Variants in DNAI7 observed in about 807,000 individuals in gnomAD.
DNAI7 encodes the protein cancer susceptibility 1.
Under a neutral mutation model 86.6 loss-of-function variants are expected in DNAI7, and 78 were observed. The observed-to-expected ratio is 0.90, with a 90% CI of 0.75 to 1.09. The LOEUF (loss-of-function observed/expected upper bound fraction) is 1.09. DNAI7 is among the 50% of genes least tolerant of loss of function. DNAI7 has a pLI of 0.00. For synonymous variants in DNAI7, 274 were observed against 273.0 expected (o/e 1.00, Z -0.04); for missense variants, 753 against 810.2 (o/e 0.93, Z 0.86).
intron 2 of DNAI7, among the ~76,000 whole-genome samples, chr12:25,172,023 C>T (rs1000335028): frequency 4.6e-5 from 7 of 152,124 alleles, no homozygotes; most frequent in Middle Eastern, 6.8e-3. Context: ...AATAAAGAAA[C>T]GTTGAAAGCA....
intron 9 of DNAI7, among the ~76,000 whole-genome samples, chr12:25,131,932 A>G (rs1267327514): frequency 6.6e-6 from 1 of 152,178 alleles, no homozygotes. Flanking sequence ...GGCAACAATT[A>G]TAATAATTAA....
intron 3 of DNAI7, among the ~76,000 whole-genome samples, chr12:25,160,301 T>C (rs1946692907): frequency 6.6e-6 from 1 of 152,262 alleles, no homozygotes; most frequent in African/African-American, 2.4e-5. Context: ...TTGTTGAATA[T>C]GAATTCTAAA....
chr12:25,194,903 G>T, intron 1 of DNAI7, 173 bp downstream of exon 1: 1 of 1,614,138 alleles, frequency 6.2e-7, no homozygotes, highest in South Asian at 1.1e-5. Context: ...CCTGGTCCAG[G>T]TAAGGAAAGC....
At chr12:25,151,634 C>T (rs1335708127) in intron 6 of DNAI7, among the ~76,000 whole-genome samples, 1 of 152,142 alleles carries the variant, frequency 6.6e-6, no homozygotes, top group Non-Finnish European at 1.5e-5. Flanking sequence ...CCTAAGCTGA[C>T]GTCATGCCAT....
intron 9 of DNAI7, among the ~76,000 whole-genome samples, chr12:25,135,553 G>C (rs1235234841): frequency 6.6e-6 from 1 of 152,142 alleles, no homozygotes; most frequent in Non-Finnish European, 1.5e-5. Flanking sequence ...CAGCGGGGAG[G>C]GCAGGGCAGC....
At chr12:25,124,055 T>TGTGTGTGTGTGTGTGTGTGC in intron 9 of DNAI7, among the ~76,000 whole-genome samples, 1 of 151,968 alleles carries the variant, frequency 6.6e-6, no homozygotes, top group East Asian at 1.9e-4. Flanking sequence ...TGTGTGTGTG[T>TGTGTGTGTGTGTGTGTGTGC]GTGTGTGCTA....
chr12:25,138,262 G>A (rs1943780941), intron 9 of DNAI7, among the ~76,000 whole-genome samples: 1 of 152,100 alleles, frequency 6.6e-6, no homozygotes, highest in Non-Finnish European at 1.5e-5. Context: ...TCAGGAGGTG[G>A]AGACCAGCCG....
chr12:25,148,645 T>C (rs1482813145), intron 7 of DNAI7, among the ~76,000 whole-genome samples: 1 of 152,236 alleles, frequency 6.6e-6, no homozygotes, highest in Non-Finnish European at 1.5e-5. Flanking sequence ...TCACTCCACC[T>C]TCCCCCTTTG....
At chr12:25,174,141 T>C (rs1043698499) in intron 2 of DNAI7, among the ~76,000 whole-genome samples, 11 of 148,414 alleles carry the variant, frequency 7.4e-5, no homozygotes, top group African/African-American at 2.5e-4. Context: ...TTTGTTTTTT[T>C]CTTACTGATG....
At position 25,155,202 on chromosome 12, in the gene DNAI7, G is replaced by C. The variant is rs544179741; in HGVS notation, c.300+109C>G. ...AAGCAATCAATTTGTCAGATGAGAG[G>C]GTTTTTTAAAACAGAAAAATTTAGT... On this transcript the variant is annotated intron_variant, in intron 5 of 15. Transcript: ENST00000395987. The C allele has an allele frequency of 2.9e-5, 16 of 544,940 alleles. No individual in the cohort carries two copies. The Admixed American group carries it at 4.7e-4, about 16-fold the overall frequency. 33.8% of individuals were successfully genotyped at this position (544,940 alleles called of 1,614,324 possible).
intron 2 of DNAI7, among the ~76,000 whole-genome samples, chr12:25,180,808 A>G (rs1019364932): frequency 1.3e-5 from 2 of 152,140 alleles, no homozygotes; most frequent in African/African-American, 4.8e-5. Flanking sequence ...AGACTTAAAT[A>G]TAAGACCTCA....
rs1043415713 is a variant in DNAI7, at chr12:25,195,065, G to C, written c.3+11C>G. The C allele has an allele frequency of 8.7e-6, 14 of 1,614,074 alleles. No homozygotes were observed. Among genetic ancestry groups the C allele is most frequent in the Non-Finnish European group, 1.2e-5 (14 of 1,180,036 alleles). On this transcript the variant is annotated intron_variant, in intron 1 of 15. Coordinates refer to ENST00000395987, the MANE Select transcript of DNAI7 (RefSeq NM_018272.5). ...GCCCCTCCACCTGTCTGCCTCATTT[G>C]CCTTGCTCACCATTAAGAGTCAAGC...
intron 2 of DNAI7, among the ~76,000 whole-genome samples, chr12:25,171,963 T>C (rs545735181): frequency 4.1e-4 from 62 of 152,270 alleles, no homozygotes; most frequent in African/African-American, 1.4e-3. Flanking sequence ...GGGACATATC[T>C]TAATGTAATA....
chr12:25,173,837 C>CAT (rs34904955), intron 2 of DNAI7, among the ~76,000 whole-genome samples: 5 of 148,064 alleles, frequency 3.4e-5, no homozygotes, highest in East Asian at 2.0e-4. Context: ...TATACCACAT[C>CAT]ATATATATAT....
intron 4 of DNAI7, 122 bp downstream of exon 4, chr12:25,158,350 G>C: frequency 1.4e-6 from 1 of 701,992 alleles, no homozygotes; most frequent in Non-Finnish European, 2.4e-6. Flanking sequence ...TCTATGGTAC[G>C]ATTAAGTTCA....
intron 15 of DNAI7, 113 bp from the exon 16 acceptor site, chr12:25,108,936 A>G: frequency 1.6e-6 from 1 of 643,572 alleles, no homozygotes. Context: ...TGCAAAGGTT[A>G]AAAGAAACAG....
chr12:25,135,059 AG>A (rs1943382391), intron 9 of DNAI7, among the ~76,000 whole-genome samples: 1 of 152,206 alleles, frequency 6.6e-6, no homozygotes, highest in South Asian at 2.1e-4. Context: ...GAACTACTGC[AG>A]GAACACACCA....
chr12:25,156,543 A>T (rs1946196190), intron 4 of DNAI7, among the ~76,000 whole-genome samples: 1 of 152,098 alleles, frequency 6.6e-6, no homozygotes, highest in Non-Finnish European at 1.5e-5. Flanking sequence ...TCACAAGGTC[A>T]GGAGAGTTCG....
At chr12:25,170,811 TCAA>T (rs2141142072) in intron 2 of DNAI7, among the ~76,000 whole-genome samples, 1 of 152,296 alleles carries the variant, frequency 6.6e-6, no homozygotes, top group Admixed American at 6.5e-5. Flanking sequence ...AAACTGGAAA[TCAA>T]CTCCAAAAGA....
Sources: gnomAD v4.1 joint callset for allele counts (sites outside exome capture counted in the v4.1 genomes callset) on GRCh38, gnomAD v4.1.1 for gene constraint, MANE v1.5 for transcripts, NCBI Gene and HGNC (gene_info 2026-07-23, HGNC 2026-07-21) for gene names.